Variants in INPP5F observed in about 807,000 individuals in gnomAD.
The protein encoded by INPP5F is phosphatidylinositide 4-phosphatase SAC2.
A neutral mutation model predicts 137.2 loss-of-function variants in INPP5F; 97 were observed. The ratio of observed to expected loss-of-function variants is 0.71; its 90% CI spans 0.60 to 0.84. The LOEUF is 0.84. Among genes scored for constraint, INPP5F ranks in the 40% least tolerant of loss-of-function variants. INPP5F has a pLI of 0.00. For missense variants in INPP5F, 1,271 were observed against 1,371.9 expected (o/e 0.93, Z 1.16); for synonymous variants, 504 against 476.9 (o/e 1.06, Z -0.74).
In INPP5F at chr10:119,748,128, G is replaced by T. The variant is rs891328142; in HGVS notation, c.98-2948G>T. 6.6e-6 allele frequency among the ~76,000 whole-genome samples: 1 copy of T among 152,208 alleles called. No homozygotes were observed. The highest frequency in any genetic ancestry group is 6.5e-5 in the Admixed American group (1 of 15,278). On this transcript the variant is annotated intron_variant, in intron 1 of 19. Transcript: ENST00000650623. The surrounding 1 kb of genome is among the most constrained non-coding windows in gnomAD (Gnocchi z 4.7). ...AGTGGCGAGTGGTGTATGAGCGAGC[G>T]TGCACGGTCCAGACACTATGCACAG...
At chr10:119,756,865 C>CAAAA (rs11415974) in intron 2 of INPP5F, among the ~76,000 whole-genome samples, 170 of 96,616 alleles carry the variant, frequency 1.8e-3, no homozygotes, top group African/African-American at 4.6e-3. Context: ...AGCTCTGCCA[C>CAAAA]AAAAAAAAAA....
At chr10:119,815,825 C>T (rs1050391175) in intron 15 of INPP5F, 11 of 153,986 alleles carry the variant, frequency 7.1e-5, no homozygotes, top group Admixed American at 1.9e-4. Context: ...AGACTCTCCA[C>T]TCTGTTCCGG....
At chr10:119,798,491 A>G in intron 8 of INPP5F, 52 bp from the exon 9 acceptor site, 12 of 1,254,824 alleles carry the variant, frequency 9.6e-6, no homozygotes, top group Non-Finnish European at 1.4e-5. Context: ...GTAGACACTA[A>G]TATGTCTTAA....
chr10:119,737,899 T>C (rs888146854), intron 1 of INPP5F, among the ~76,000 whole-genome samples: 3 of 150,198 alleles, frequency 2.0e-5, no homozygotes, highest in Non-Finnish European at 3.0e-5. Flanking sequence ...CTCTGATACC[T>C]TTTTTTTTTC....
chr10:119,809,226 CAAAAAAA>C (rs71019722), intron 13 of INPP5F, among the ~76,000 whole-genome samples: 1 of 58,850 alleles, frequency 1.7e-5, no homozygotes, highest in Non-Finnish European at 3.5e-5. Context: ...GACTCTGTCT[CAAAAAAA>C]AAAAAAAAAA....
In INPP5F at chr10:119,795,105, C is replaced by T. The variant is rs1405621298; in HGVS notation, c.670-1610C>T. The stretch of plus-strand genomic sequence containing the variant: ...CCCCCCCACCTCCCTCCCTCCCGGA[C>T]GGGGCGGCTGGCCGGGCGGGGGGCT... On this transcript the variant is annotated intron_variant, in intron 6 of 19. Transcript: ENST00000650623. Among the ~76,000 whole-genome samples the T allele has an allele frequency of 2.2e-3, 282 of 130,450 alleles. 1 individual carries two copies. Among genetic ancestry groups the T allele is most frequent in the Non-Finnish European group, 3.5e-3 (214 of 60,978 alleles). 85.6% of individuals were successfully genotyped at this position (130,450 alleles called of 152,430 possible).
intron 3 of INPP5F, among the ~76,000 whole-genome samples, chr10:119,784,818 C>T (rs1039755104): frequency 1.3e-5 from 2 of 152,158 alleles, no homozygotes; most frequent in South Asian, 2.1e-4. Flanking sequence ...CATCATCCCC[C>T]GAAAAAACCC....
intron 15 of INPP5F, among the ~76,000 whole-genome samples, chr10:119,818,123 G>C (rs926751953): frequency 6.6e-6 from 1 of 152,264 alleles, no homozygotes; most frequent in Admixed American, 6.5e-5. Context: ...GCAAGGCTGA[G>C]CGCAGCTCTG....
At chr10:119,736,294 A>G (rs1257300900) in intron 1 of INPP5F, among the ~76,000 whole-genome samples, 1 of 152,174 alleles carries the variant, frequency 6.6e-6, no homozygotes, top group Admixed American at 6.5e-5. Flanking sequence ...GAAAGTTGTA[A>G]TTTAAGCTGT....
chr10:119,789,273 A>G (rs1850043921), intron 3 of INPP5F, among the ~76,000 whole-genome samples: 1 of 152,058 alleles, frequency 6.6e-6, no homozygotes, highest in Non-Finnish European at 1.5e-5. Context: ...CGTTTTGAAT[A>G]CTAAAATTGT....
rs774437804 is a variant in INPP5F at position 119,828,080 on chromosome 10, G to A, written c.*300G>A. On this transcript the variant is annotated 3_prime_UTR_variant, in exon 20 of 20. Transcript: ENST00000650623. ...TAACCTGAACCTTTTTTTGGAGTGGGGTGGGTAGACTACAGTAGACACAAG... is the reference window on the plus strand; with the variant it reads ...TAACCTGAACCTTTTTTTGGAGTGGAGTGGGTAGACTACAGTAGACACAAG... The A allele has an allele frequency of 2.0e-5, 5 of 250,916 alleles. No individual in the cohort carries two copies. The highest frequency in any genetic ancestry group is 3.9e-5 in the Non-Finnish European group (5 of 129,822). The allele number at this position is 250,916 out of a possible 1,614,324, so 15.5% of individuals were successfully genotyped here.
Position 119,804,159 on chromosome 10 carries a change from C to A in INPP5F, c.1117-14C>A, listed in dbSNP as rs747210355. On this transcript the variant is annotated splice_polypyrimidine_tract_variant and intron_variant, in intron 9 of 19. Transcript: ENST00000650623. The stretch of plus-strand genomic sequence containing the variant: ...AAATCTAACTAAATTTTTTCTGTTT[C>A]TTTGCTCTTATAGGTTATTATTAAC... 4 of 1,568,154 alleles carry A rather than the reference C, an allele frequency of 2.6e-6. No homozygotes were observed. In the South Asian group the frequency reaches 4.7e-5, roughly 19 times the overall value.
intron 2 of INPP5F, among the ~76,000 whole-genome samples, chr10:119,752,080 ATAT>A (rs1398660309): frequency 1.3e-5 from 2 of 152,244 alleles, no homozygotes; most frequent in African/African-American, 4.8e-5. Context: ...TTTAAAAATA[ATAT>A]TAAGCATTTG....
In INPP5F at chr10:119,820,985, ATTCGT is replaced by A; in HGVS notation, c.1958+69_1958+73del. On this transcript the variant is annotated intron_variant, in intron 16 of 19. Coordinates refer to ENST00000650623, the MANE Select transcript of INPP5F (RefSeq NM_014937.4). ...AACTTGAGTAAATTTTCTTTTTAGA[ATTCGT>A]AACAAAAAAATGTGAGAATATGGTT... is the stretch of plus-strand genomic sequence containing the variant. 14 of 991,248 alleles carry A rather than the reference ATTCGT, an allele frequency of 1.4e-5. No individual in the cohort carries two copies. In the Admixed American group the frequency reaches 1.6e-4, roughly 12 times the overall value. 61.4% of individuals were successfully genotyped at this position (991,248 alleles called of 1,614,324 possible).
intron 2 of INPP5F, among the ~76,000 whole-genome samples, chr10:119,757,563 AG>A (rs1848885962): frequency 1.3e-5 from 2 of 152,060 alleles, no homozygotes; most frequent in South Asian, 4.2e-4. Flanking sequence ...AGGCTGAGGC[AG>A]GTAGGTCACT....
In INPP5F at chr10:119,787,839, C is replaced by T. The variant is rs1849980000; in HGVS notation, c.316-3678C>T. ...ACAGGGCTTCATGGGAGATGGGATC[C>T]TGGGGCCATGCTTAGCACTTGAGGC... On this transcript the variant is annotated intron_variant, in intron 3 of 19. Coordinates refer to ENST00000650623, the MANE Select transcript of INPP5F (RefSeq NM_014937.4). This position sits in a 1 kb window ranked among gnomAD's most constrained non-coding sequence, Gnocchi z 4.1. 6.6e-6 allele frequency among the ~76,000 whole-genome samples: 1 copy of T among 152,070 alleles called. No individual in the cohort carries two copies. Among genetic ancestry groups the T allele is most frequent in the Non-Finnish European group, 1.5e-5 (1 of 68,018 alleles).
chr10:119,775,209 A>AT (rs1554888283), intron 2 of INPP5F, among the ~76,000 whole-genome samples: 1 of 152,010 alleles, frequency 6.6e-6, no homozygotes, highest in Non-Finnish European at 1.5e-5. Context: ...AGAATCTAAA[A>AT]TTTTTTTTGC....
intron 9 of INPP5F, among the ~76,000 whole-genome samples, chr10:119,803,604 A>G (rs919515259): frequency 2.0e-5 from 3 of 152,162 alleles, no homozygotes; most frequent in Non-Finnish European, 4.4e-5. Flanking sequence ...TTTTTTCCAC[A>G]TATTTACTCT....
chr10:119,804,137 TCTAA>T (rs1850685850), intron 9 of INPP5F, 32 bp from the exon 10 acceptor site: 1 of 1,492,608 alleles, frequency 6.7e-7, no homozygotes, highest in Non-Finnish European at 9.1e-7. Flanking sequence ...GATTCTAAAA[TCTAA>T]CTAAATTTTT....
Sources: allele counts gnomAD v4.1 joint callset (sites outside exome capture counted in the v4.1 genomes callset), GRCh38; gene constraint gnomAD v4.1.1; non-coding constraint Gnocchi (gnomAD v3.1); transcripts MANE v1.5; gene names NCBI Gene and HGNC (gene_info 2026-07-23, HGNC 2026-07-21).